MTSS1: variants seen among roughly 807,000 people sequenced by gnomAD.
MTSS1 encodes protein MTSS 1.
In MTSS1, 18 loss-of-function variants were observed where a neutral mutation model predicts 79.0. The observed-to-expected ratio is 0.23, with a 90% CI of 0.16 to 0.34. The LOEUF is 0.34. Ranked by LOEUF, MTSS1 falls within the 10% of genes least tolerant of loss-of-function variation. The pLI is 1.00. For synonymous variants in MTSS1, 341 were observed against 368.6 expected (o/e 0.93, Z 0.86); for missense variants, 815 against 986.2 (o/e 0.83, Z 2.33).
chr8:124,552,085 T>C lies in MTSS1; in HGVS notation c.*907A>G, dbSNP rs547450072. 6.5e-6 allele frequency: 1 copy of C among 152,798 alleles called. No individual in the cohort carries two copies. The highest frequency in any genetic ancestry group is 2.4e-5 in the African/African-American group (1 of 41,588). 9.5% of individuals were successfully genotyped at this position (152,798 alleles called of 1,614,324 possible). ...TGTTTTCACATTTTTAAAACTGCCT[T>C]ACCCTTTTGGATGTATTTGGATTCC... On this transcript the variant is annotated 3_prime_UTR_variant, in exon 14 of 14. Transcript: ENST00000518547.
At chr8:124,595,520 C>G (rs1832604840) in intron 3 of MTSS1, among the ~76,000 whole-genome samples, 1 of 152,144 alleles carries the variant, frequency 6.6e-6, no homozygotes, top group Non-Finnish European at 1.5e-5. Flanking sequence ...GCAATCTACT[C>G]CCTTCTCTGA....
At chr8:124,701,717 T>C (rs893652450) in intron 2 of MTSS1, among the ~76,000 whole-genome samples, 1 of 152,180 alleles carries the variant, frequency 6.6e-6, no homozygotes, top group South Asian at 2.1e-4. Context: ...GTGATCAAGT[T>C]TGAGGCTTTT....
chr8:124,633,525 C>A (rs747547224), intron 3 of MTSS1, among the ~76,000 whole-genome samples: 1 of 151,974 alleles, frequency 6.6e-6, no homozygotes, highest in Non-Finnish European at 1.5e-5. Flanking sequence ...AATCCCCGCA[C>A]TTTGGGAGGT....
At chr8:124,666,121 A>T (rs1417855575) in intron 3 of MTSS1, among the ~76,000 whole-genome samples, 2 of 152,236 alleles carry the variant, frequency 1.3e-5, no homozygotes. Flanking sequence ...GCATGATAAC[A>T]TTCTGCTTAT....
chr8:124,725,085 C>T (rs1308884536), intron 1 of MTSS1, among the ~76,000 whole-genome samples: 2 of 152,186 alleles, frequency 1.3e-5, no homozygotes, highest in Admixed American at 1.3e-4. Context: ...GGGAAACAAA[C>T]CACCAGGCTT....
Position 124,553,521 on chromosome 8 carries a change from G to C in MTSS1, c.1739C>G (p.Ala580Gly), listed in dbSNP as rs773270879. The change falls in exon 14 of 14, where the codon GCT (alanine) becomes GGT (glycine). Residue 580 changes from alanine (A) to glycine (G), a missense_variant. Physicochemically the swap from Ala to Gly is moderately conservative, Grantham distance 60 (BLOSUM62 0). This residue lies in a region of MTSS1 where 590 missense variants were observed against 620.8 expected (regional missense o/e 0.95). Transcript: ENST00000518547. The surrounding 1 kb of genome is among the most constrained non-coding windows in gnomAD (Gnocchi z 6.0). ...AGTTGCAACCCCTGGAGTGACCATA[G>C]CAGGTCCCAGGGTGGTGGGGAGGCC... ...TAGLPTTLGP[A>G]MVTPGVATIR... The C allele has an allele frequency of 3.1e-6, 5 of 1,614,132 alleles. No individual in the cohort carries two copies. The highest frequency in any genetic ancestry group is 4.2e-6 in the Non-Finnish European group (5 of 1,180,016).
At chr8:124,721,166 C>T (rs375677275) in intron 1 of MTSS1, among the ~76,000 whole-genome samples, 10 of 152,052 alleles carry the variant, frequency 6.6e-5, no homozygotes, top group Admixed American at 3.9e-4. Flanking sequence ...TAGCCATACA[C>T]GGCTATTTAA....
chr8:124,613,825 G>A (rs1836324885), intron 3 of MTSS1, among the ~76,000 whole-genome samples: 1 of 152,188 alleles, frequency 6.6e-6, no homozygotes, highest in East Asian at 1.9e-4. Flanking sequence ...TTTCCCTGTT[G>A]GTAAACTTCA....
intron 3 of MTSS1, among the ~76,000 whole-genome samples, chr8:124,628,747 A>T (rs2133754845): frequency 6.6e-6 from 1 of 152,314 alleles, no homozygotes; most frequent in Non-Finnish European, 1.5e-5. Flanking sequence ...ACCTTGTGTA[A>T]TTTCATCTAA....
chr8:124,670,976 C>T (rs1432799245), intron 3 of MTSS1, among the ~76,000 whole-genome samples: 1 of 152,104 alleles, frequency 6.6e-6, no homozygotes, highest in Non-Finnish European at 1.5e-5. Context: ...CCTTAATTTT[C>T]CATAGTGATT....
intron 1 of MTSS1, among the ~76,000 whole-genome samples, chr8:124,721,065 TAGA>T (rs1314132890): frequency 1.3e-5 from 2 of 152,328 alleles, no homozygotes; most frequent in East Asian, 3.9e-4. Context: ...CAGCAGAAGG[TAGA>T]AGATAGAAAG....
chr8:124,616,339 C>T (rs1260174560), intron 3 of MTSS1, among the ~76,000 whole-genome samples: 3 of 140,746 alleles, frequency 2.1e-5, no homozygotes, highest in Non-Finnish European at 4.5e-5. Flanking sequence ...GTCATTGCTG[C>T]GGCTGTTGTT....
chr8:124,703,402 C>T (rs560617851), intron 2 of MTSS1, among the ~76,000 whole-genome samples: 1 of 152,314 alleles, frequency 6.6e-6, no homozygotes, highest in African/African-American at 2.4e-5. Flanking sequence ...AAGCGATTCT[C>T]CTGTCTCAGC....
chr8:124,608,595 C>G (rs958100286), intron 3 of MTSS1, among the ~76,000 whole-genome samples: 1 of 152,158 alleles, frequency 6.6e-6, no homozygotes, highest in Non-Finnish European at 1.5e-5. Context: ...TGATGGGGGT[C>G]CTAATTCCCA....
intron 3 of MTSS1, among the ~76,000 whole-genome samples, chr8:124,690,416 G>A (rs1427217313): frequency 6.6e-6 from 1 of 152,200 alleles, no homozygotes; most frequent in Non-Finnish European, 1.5e-5. Flanking sequence ...GAGGATTATA[G>A]AATTCTGGTG....
intron 6 of MTSS1, among the ~76,000 whole-genome samples, chr8:124,569,504 A>G (rs1827275172): frequency 6.6e-6 from 1 of 152,218 alleles, no homozygotes; most frequent in African/African-American, 2.4e-5. Flanking sequence ...TGTCCAAAGG[A>G]GCAGCTACTA....
chr8:124,662,395 A>G (rs974198641), intron 3 of MTSS1, among the ~76,000 whole-genome samples: 1 of 152,192 alleles, frequency 6.6e-6, no homozygotes, highest in South Asian at 2.1e-4. Flanking sequence ...AATACTTCTG[A>G]ATAAAAAAAA....
chr8:124,712,791 A>G (rs1831361943), intron 1 of MTSS1, among the ~76,000 whole-genome samples: 1 of 152,172 alleles, frequency 6.6e-6, no homozygotes, highest in Non-Finnish European at 1.5e-5. Context: ...GCCTATGAAA[A>G]GGAAGACTGA....
chr8:124,602,701 C>T (rs1430229744), intron 3 of MTSS1, among the ~76,000 whole-genome samples: 1 of 152,164 alleles, frequency 6.6e-6, no homozygotes, highest in Non-Finnish European at 1.5e-5. Context: ...AGCCAGACCT[C>T]GGCTAGAGGT....
Sources: allele counts gnomAD v4.1 joint callset (sites outside exome capture counted in the v4.1 genomes callset), GRCh38; gene constraint gnomAD v4.1.1; regional missense constraint gnomAD v4.1.1; non-coding constraint Gnocchi (gnomAD v3.1); transcripts MANE v1.5; gene names NCBI Gene and HGNC (gene_info 2026-07-23, HGNC 2026-07-21).